Variants in DRC7 observed in about 807,000 individuals in gnomAD.
The protein encoded by DRC7 is dynein regulatory complex subunit 7, also known as coiled-coil domain containing 135.
A neutral mutation model predicts 104.4 loss-of-function variants in DRC7; 80 were observed. The observed-to-expected ratio is 0.77, with a 90% CI of 0.64 to 0.92. DRC7 has a LOEUF of 0.92. DRC7 is among the 40% of genes least tolerant of loss of function. DRC7 has a pLI of 0.00. For missense variants in DRC7, 1,034 were observed against 1,141.1 expected (o/e 0.91, Z 1.35); for synonymous variants, 405 against 447.3 (o/e 0.91, Z 1.19).
intron 2 of DRC7, among the ~76,000 whole-genome samples, chr16:57,697,652 G>A (rs2048609735): frequency 6.6e-6 from 1 of 152,184 alleles, no homozygotes; most frequent in Admixed American, 6.5e-5. Context: ...GTCCTGTCCT[G>A]AGGATGGCTT....
In DRC7 at chr16:57,730,997, G is replaced by A. The variant is rs1214909099; in HGVS notation, c.2458G>A (p.Asp820Asn). The change falls in exon 18 of 19, where the codon GAT (aspartate) becomes AAT (asparagine). Residue 820 changes from aspartate (D) to asparagine (N), a missense_variant. Asp to Asn is a conservative substitution (Grantham distance 23, BLOSUM62 1). Coordinates refer to ENST00000360716, the MANE Select transcript of DRC7 (RefSeq NM_001289162.2). Reference sequence around the variant, plus strand: ...GAACCAGGTGACGCTGACACCCGAGGATGAAGACCTGTACCTGAGTTACTG... The same window carrying A: ...GAACCAGGTGACGCTGACACCCGAGAATGAAGACCTGTACCTGAGTTACTG... ...QENQVTLTPE[D>N]EDLYLSYCSQ... 3.1e-6 allele frequency: 5 copies of A among 1,613,516 alleles called. 1 individual carries two copies. The African/African-American group carries it at 6.7e-5, about 22-fold the overall frequency.
intron 16 of DRC7, 126 bp downstream of exon 16, chr16:57,727,535 G>A (rs1381351025): frequency 7.5e-6 from 5 of 670,110 alleles, no homozygotes; most frequent in South Asian, 3.5e-5. Context: ...GATACCATGC[G>A]GTCATCCTTG....
At chr16:57,706,904 C>T (rs928823164) in intron 7 of DRC7, among the ~76,000 whole-genome samples, 1 of 151,830 alleles carries the variant, frequency 6.6e-6, no homozygotes, top group Non-Finnish European at 1.5e-5. Flanking sequence ...ATCCATTTTT[C>T]CTGCCATCAG....
chr16:57,721,760 C>A (rs757262398), intron 10 of DRC7, 21 bp downstream of exon 10: 1 of 1,590,670 alleles, frequency 6.3e-7, no homozygotes, highest in Non-Finnish European at 8.6e-7. Context: ...TTTGTGTATT[C>A]ACTTATCCTC....
intron 10 of DRC7, 149 bp downstream of exon 10, chr16:57,721,888 C>T (rs1253946268): frequency 1.6e-6 from 1 of 614,426 alleles, no homozygotes; most frequent in South Asian, 1.9e-5. Flanking sequence ...CCCTCCCTCC[C>T]TCCCTCCCCC....
intron 8 of DRC7, among the ~76,000 whole-genome samples, chr16:57,716,712 A>G (rs1597805228): frequency 6.6e-6 from 1 of 152,092 alleles, no homozygotes; most frequent in East Asian, 1.9e-4. Flanking sequence ...CACACATGAC[A>G]GTGAGTACTA....
At chr16:57,720,196 G>C (rs1416409135) in intron 9 of DRC7, among the ~76,000 whole-genome samples, 3 of 152,202 alleles carry the variant, frequency 2.0e-5, no homozygotes, top group Non-Finnish European at 1.5e-5. Context: ...CTCACACACA[G>C]AGAGGTTAAG....
chr16:57,717,231 C>T (rs1321264386), intron 8 of DRC7, among the ~76,000 whole-genome samples: 1 of 140,548 alleles, frequency 7.1e-6, no homozygotes, highest in African/African-American at 2.8e-5. Flanking sequence ...CACCCACCTG[C>T]TGTTTTTTTT....
In DRC7 at chr16:57,731,240, C is replaced by T. The variant is rs773533699; in HGVS notation, c.2607C>T (p.Leu869=). 1.2e-6 allele frequency: 2 copies of T among 1,613,358 alleles called. No individual in the cohort carries two copies. Among genetic ancestry groups the T allele is most frequent in the Non-Finnish European group, 1.7e-6 (2 of 1,179,866 alleles). The stretch of plus-strand genomic sequence containing the variant: ...ACAAGGACCCACGCCTGGGGGAGCT[C>T]CAGAAAATATTCGCTTGATGTCCCT... ...KLYKDPRLGE[L]QKIFA The change falls in exon 19 of 19, where the codon CTC becomes CTT. Residue 869 remains leucine, a synonymous_variant. Coordinates refer to ENST00000360716, the MANE Select transcript of DRC7 (RefSeq NM_001289162.2).
chr16:57,725,942 T>A (rs1167780331), intron 13 of DRC7, 126 bp from the exon 14 acceptor site: 1 of 777,814 alleles, frequency 1.3e-6, no homozygotes, highest in East Asian at 2.7e-5. Flanking sequence ...CTATTCCACG[T>A]GAATCGCCAA....
intron 8 of DRC7, among the ~76,000 whole-genome samples, chr16:57,708,808 G>A (rs1186879798): frequency 6.6e-6 from 1 of 152,106 alleles, no homozygotes; most frequent in African/African-American, 2.4e-5. Context: ...GACATGTAAT[G>A]GTATTGCACT....
chr16:57,697,824 C>T (rs1417931268), intron 2 of DRC7, 89 bp from the exon 3 acceptor site: 10 of 1,450,708 alleles, frequency 6.9e-6, no homozygotes, highest in East Asian at 2.3e-5. Context: ...AAAACCATCT[C>T]CCAGGCCTCC....
At chr16:57,703,967 CAAAAAAAA>C (rs35232247) in intron 6 of DRC7, among the ~76,000 whole-genome samples, 2 of 64,380 alleles carry the variant, frequency 3.1e-5, no homozygotes, top group African/African-American at 6.4e-5. Flanking sequence ...ACTCTGGCTC[CAAAAAAAA>C]AAAAAAAAAA....
Position 57,731,798 on chromosome 16 carries a change from T to C in DRC7, c.*540T>C, listed in dbSNP as rs1202657049. The C allele has an allele frequency of 6.5e-6, 1 of 153,402 alleles. No homozygotes were observed. Among genetic ancestry groups the C allele is most frequent in the African/African-American group, 2.4e-5 (1 of 41,348 alleles). 9.5% of individuals were successfully genotyped at this position (153,402 alleles called of 1,614,324 possible). A position where few individuals can be genotyped will look rare whatever the true frequency, so the allele number is the denominator to read the frequency against. On this transcript the variant is annotated 3_prime_UTR_variant, in exon 19 of 19. Transcript: ENST00000360716. ...TAGCATTGTTGCATTAAATAAGACT[T>C]ATGGCCAGGTGTGGTGGCTCACACC...
chr16:57,703,978 A>G (rs964069977), intron 6 of DRC7, among the ~76,000 whole-genome samples: 12 of 151,144 alleles, frequency 7.9e-5, no homozygotes, highest in Non-Finnish European at 1.6e-4. Context: ...AAAAAAAAAA[A>G]AAAAAAAAAA....
chr16:57,713,451 C>T (rs1163907562), intron 8 of DRC7, among the ~76,000 whole-genome samples: 1 of 152,144 alleles, frequency 6.6e-6, no homozygotes, highest in Non-Finnish European at 1.5e-5. Flanking sequence ...GTTATGTCCT[C>T]ATGATGAATT....
rs757958695 is a variant in DRC7, at chr16:57,697,978, A to AGGAGGAGGAGGCCGAGCG, written c.38_55dup (p.Glu13_Glu18dup). ...GAGGTCCTGAGGGAGAAGGTGGAGG[A>AGGAGGAGGAGGCCGAGCG]GGAGGAGGAGGCCGAGCGGGAGGAG... On this transcript the variant is annotated inframe_insertion, in exon 3 of 19. Coordinates refer to ENST00000360716, the MANE Select transcript of DRC7 (RefSeq NM_001289162.2). 6 of 1,612,918 alleles carry AGGAGGAGGAGGCCGAGCG rather than the reference A, an allele frequency of 3.7e-6. No homozygotes were observed. The highest frequency in any genetic ancestry group is 1.3e-5 in the African/African-American group (1 of 74,846).
At chr16:57,704,831 G>A (rs908631816) in intron 6 of DRC7, 45 bp from the exon 7 acceptor site, 1 of 1,602,538 alleles carries the variant, frequency 6.2e-7, no homozygotes, top group Non-Finnish European at 8.5e-7. Context: ...ACATGTAAAG[G>A]GGGGATGCAG....
chr16:57,704,402 C>G (rs1489711862), intron 6 of DRC7, among the ~76,000 whole-genome samples: 1 of 143,724 alleles, frequency 7.0e-6, no homozygotes. Context: ...CACACACACA[C>G]ACACGGTTTC....
Sources: gnomAD v4.1 joint callset for allele counts (sites outside exome capture counted in the v4.1 genomes callset) on GRCh38, gnomAD v4.1.1 for gene constraint, MANE v1.5 for transcripts, NCBI Gene and HGNC (gene_info 2026-07-23, HGNC 2026-07-21) for gene names.